Variants in DPYSL5 observed in about 807,000 individuals in gnomAD.
DPYSL5 encodes dihydropyrimidinase-related protein 5.
In DPYSL5, 9 loss-of-function variants were observed where a neutral mutation model predicts 58.4. The ratio of observed to expected loss-of-function variants is 0.15; its 90% CI spans 0.09 to 0.27. The LOEUF (loss-of-function observed/expected upper bound fraction) is 0.27. Among genes scored for constraint, DPYSL5 ranks in the 10% least tolerant of loss-of-function variants. The probability of loss-of-function intolerance (pLI) is 1.00; values close to 1 mark genes in which losing one functional copy is unlikely to be tolerated. For missense variants in DPYSL5, 499 were observed against 770.6 expected, an observed-to-expected ratio of 0.65 and a Z score of 4.17; for synonymous variants, 293 against 301.9, an observed-to-expected ratio of 0.97 and a Z score of 0.31.
intron 2 of DPYSL5, among the ~76,000 whole-genome samples, chr2:26,907,895 C>T (rs1039407927): frequency 3.9e-5 from 6 of 152,168 alleles, no homozygotes; most frequent in African/African-American, 7.2e-5. Flanking sequence ...CCACAGAGCC[C>T]GCGTAGCCCT....
chr2:26,884,717 G>A (rs1663667954), intron 1 of DPYSL5, among the ~76,000 whole-genome samples: 1 of 152,160 alleles, frequency 6.6e-6, no homozygotes, highest in Non-Finnish European at 1.5e-5. Flanking sequence ...TGTTCATTAA[G>A]TCCAGCCACG....
At chr2:26,928,187 G>C in intron 4 of DPYSL5, 68 bp from the exon 5 acceptor site, 1 of 1,497,520 alleles carries the variant, frequency 6.7e-7, no homozygotes, top group Non-Finnish European at 9.3e-7. Context: ...ACTGTCCCTT[G>C]GGTTCAGTAT....
intron 1 of DPYSL5, among the ~76,000 whole-genome samples, chr2:26,864,451 G>T (rs1430181008): frequency 3.9e-5 from 6 of 152,216 alleles, no homozygotes; most frequent in Admixed American, 3.9e-4. Flanking sequence ...TGATGGGAAA[G>T]GTGGGGAAGA....
At chr2:26,854,860 C>G (rs761518784) in intron 1 of DPYSL5, among the ~76,000 whole-genome samples, 1 of 151,708 alleles carries the variant, frequency 6.6e-6, no homozygotes, top group Non-Finnish European at 1.5e-5. Context: ...ACTCTGTCGC[C>G]CATGCTGGAG....
At chr2:26,923,062 C>T (rs1266417044) in intron 2 of DPYSL5, among the ~76,000 whole-genome samples, 1 of 152,136 alleles carries the variant, frequency 6.6e-6, no homozygotes, top group African/African-American at 2.4e-5. Context: ...GTCCCTTATT[C>T]CCCAGCAATA....
At chr2:26,871,145 TA>T (rs1320348247) in intron 1 of DPYSL5, among the ~76,000 whole-genome samples, 3 of 151,768 alleles carry the variant, frequency 2.0e-5, no homozygotes, top group Non-Finnish European at 2.9e-5. Flanking sequence ...GAGATTACTT[TA>T]AAAAAAATGT....
chr2:26,879,067 T>C (rs934505603), intron 1 of DPYSL5, among the ~76,000 whole-genome samples: 1 of 152,208 alleles, frequency 6.6e-6, no homozygotes, highest in Non-Finnish European at 1.5e-5. Context: ...TGAGAGTTGG[T>C]TGAGTATCTG....
chr2:26,910,702 G>A lies in DPYSL5; in HGVS notation c.261+11942G>A, dbSNP rs182427688. Among the ~76,000 whole-genome samples, 792 of 139,534 alleles carry A rather than the reference G, an allele frequency of 5.7e-3. 7 individuals carry two copies. Among genetic ancestry groups the A allele is most frequent in the African/African-American group, 0.02 (742 of 37,832 alleles). 91.5% of individuals were successfully genotyped at this position (139,534 alleles called of 152,430 possible). A position where few individuals can be genotyped will look rare whatever the true frequency, so the allele number is the denominator to read the frequency against. ...ATGATTGACCTCAGTTGATCTGCCC[G>A]CCCCAGCCTCCCAAAGTGCTGGGAT... On this transcript the variant is annotated intron_variant, in intron 2 of 12. Coordinates refer to ENST00000288699, the MANE Select transcript of DPYSL5 (RefSeq NM_020134.4).
rs1335278545 is a variant in DPYSL5 at position 26,928,704 on chromosome 2, T to C, written c.669+381T>C. The stretch of plus-strand genomic sequence containing the variant: ...GTGATAGAGTATATATATATATATA[T>C]ACACACACACACATACATATATATA... On this transcript the variant is annotated intron_variant, in intron 5 of 12. Coordinates refer to ENST00000288699, the MANE Select transcript of DPYSL5 (RefSeq NM_020134.4). 2.0e-3 allele frequency among the ~76,000 whole-genome samples: 123 copies of C among 63,000 alleles called. 9 individuals are homozygous for C. Among genetic ancestry groups the C allele is most frequent in the African/African-American group, 7.6e-3 (121 of 15,896 alleles). The allele number at this position is 63,000 out of a possible 152,430, so 41.3% of individuals were successfully genotyped here. A position where few individuals can be genotyped will look rare whatever the true frequency, so the allele number is the denominator to read the frequency against.
intron 2 of DPYSL5, among the ~76,000 whole-genome samples, chr2:26,899,016 T>C (rs1664088395): frequency 6.6e-6 from 1 of 152,236 alleles, no homozygotes; most frequent in Non-Finnish European, 1.5e-5. Flanking sequence ...GGCTGAGAAC[T>C]GATTTTATTT....
chr2:26,899,738 G>T (rs947377567), intron 2 of DPYSL5, among the ~76,000 whole-genome samples: 1 of 152,212 alleles, frequency 6.6e-6, no homozygotes, highest in African/African-American at 2.4e-5. Flanking sequence ...GCTATGAGGA[G>T]TCACAGTAGC....
chr2:26,928,146 C>A, intron 4 of DPYSL5, 109 bp from the exon 5 acceptor site: 1 of 1,152,156 alleles, frequency 8.7e-7, no homozygotes, highest in Non-Finnish European at 1.3e-6. Flanking sequence ...AGAAGCAAGC[C>A]TATTGAAACA....
At chr2:26,909,879 A>T (rs1664389277) in intron 2 of DPYSL5, among the ~76,000 whole-genome samples, 1 of 152,162 alleles carries the variant, frequency 6.6e-6, no homozygotes, top group South Asian at 2.1e-4. Context: ...TAAAAAAAAA[A>T]GGTATAATTA....
chr2:26,915,088 A>G (rs1374400472), intron 2 of DPYSL5, among the ~76,000 whole-genome samples: 3 of 151,888 alleles, frequency 2.0e-5, no homozygotes, highest in East Asian at 3.9e-4. Flanking sequence ...CTCCTGTGTA[A>G]TCTGTTACTG....
At position 26,931,308 on chromosome 2, in the gene DPYSL5, A is replaced by G. The variant is rs72851867; in HGVS notation, c.670-332A>G. ...GCTAATTTCCGGAGTCAAATCAGCC[A>G]CTATTTCTCCTTTGCTGCAGTTCTG... On this transcript the variant is annotated intron_variant, in intron 5 of 12. Coordinates refer to ENST00000288699, the MANE Select transcript of DPYSL5 (RefSeq NM_020134.4). Among the ~76,000 whole-genome samples, 354 of 149,446 alleles carry G rather than the reference A, an allele frequency of 2.4e-3. 1 individual carries two copies. Among genetic ancestry groups the G allele is most frequent in the Middle Eastern group, 7.0e-3 (2 of 284 alleles).
rs200568891 is a variant in DPYSL5 at position 26,941,999 on chromosome 2, A to G, written c.1139A>G (p.Asn380Ser). 2.3e-5 allele frequency: 37 copies of G among 1,614,074 alleles called. No individual in the cohort carries two copies. The highest frequency in any genetic ancestry group is 3.1e-5 in the Non-Finnish European group (36 of 1,180,050). Residue 380 changes from asparagine (N) to serine (S), a missense_variant, in exon 10 of 13, where the codon AAC becomes AGC. Coordinates refer to ENST00000288699, the MANE Select transcript of DPYSL5 (RefSeq NM_020134.4). Reference protein sequence around the residue: ...ENRFVAVTSSNAAKLLNLYPR... With the variant: ...ENRFVAVTSSSAAKLLNLYPR... ...CGTTTTGTGGCCGTTACCAGTTCCA[A>G]CGCAGCTAAGCTTCTGAACCTGTAT...
intron 1 of DPYSL5, among the ~76,000 whole-genome samples, chr2:26,875,266 G>A (rs370242682): frequency 8.5e-5 from 13 of 152,116 alleles, no homozygotes; most frequent in African/African-American, 2.4e-4. Flanking sequence ...TCCAGTGGGC[G>A]AAATACCCAT....
intron 6 of DPYSL5, among the ~76,000 whole-genome samples, chr2:26,932,191 G>GAAAGAAAGA (rs1665039803): frequency 1.2e-5 from 1 of 80,222 alleles, no homozygotes; most frequent in Non-Finnish European, 2.7e-5. Flanking sequence ...AAGAAAGAAA[G>GAAAGAAAGA]AAAGAAAGAA....
At position 26,928,288 on chromosome 2, in the gene DPYSL5, G is replaced by A. The variant is rs759559277; in HGVS notation, c.634G>A (p.Gly212Ser). The change falls in exon 5 of 13, where the codon GGC becomes AGC. Residue 212 changes from glycine to serine, a missense_variant. Around this residue, in one of 3 missense-constraint regions of DPYSL5, gnomAD observed 404 missense variants for 647.6 expected, o/e 0.62. Transcript: ENST00000288699. ...AKEALDLGITGPEGIEISRPE... is the reference protein window; with the variant it reads ...AKEALDLGITSPEGIEISRPE... Reference sequence around the variant, plus strand: ...GGAGGCACTGGATTTGGGGATCACAGGCCCAGAAGGAATCGAGATCAGCCG... The same window carrying A: ...GGAGGCACTGGATTTGGGGATCACAAGCCCAGAAGGAATCGAGATCAGCCG... 1 of 1,614,012 alleles carries A rather than the reference G, an allele frequency of 6.2e-7. No homozygotes were observed. Among genetic ancestry groups the A allele is most frequent in the Non-Finnish European group, 8.5e-7 (1 of 1,179,950 alleles).
Sources: gnomAD v4.1 joint callset for allele counts (sites outside exome capture counted in the v4.1 genomes callset) on GRCh38, gnomAD v4.1.1 for gene constraint, gnomAD v4.1.1 regional missense constraint, MANE v1.5 for transcripts, NCBI Gene and HGNC (gene_info 2026-07-23, HGNC 2026-07-21) for gene names.